Variants in MAP4K3 observed in about 807,000 individuals in gnomAD.
The protein encoded by MAP4K3 is MAPK/ERK kinase kinase kinase 3.
In MAP4K3, 94 loss-of-function variants were observed where a neutral mutation model predicts 143.5. The ratio of observed to expected loss-of-function variants is 0.65; its 90% confidence interval spans 0.55 to 0.78. The LOEUF is 0.78. Among genes scored for constraint, MAP4K3 ranks in the 30% least tolerant of loss-of-function variants. MAP4K3 has a pLI of 0.00. For missense variants in MAP4K3, 1,077 were observed against 1,068.1 expected (o/e 1.01, Z -0.12); for synonymous variants, 416 against 347.2 (o/e 1.20, Z -2.20).
intron 1 of MAP4K3, among the ~76,000 whole-genome samples, chr2:39,394,326 A>T (rs1666747395): frequency 6.6e-6 from 1 of 152,218 alleles, no homozygotes; most frequent in South Asian, 2.1e-4. Context: ...ACTTCTAAGG[A>T]CACGTTGCAC....
chr2:39,432,017 T>C (rs144842773), intron 1 of MAP4K3, among the ~76,000 whole-genome samples: 257 of 152,322 alleles, frequency 1.7e-3, no homozygotes, highest in Non-Finnish European at 3.0e-3. Flanking sequence ...ATGATATAAA[T>C]GAGGAAACCA....
At chr2:39,254,057 T>G (rs1471209274) in intron 32 of MAP4K3, among the ~76,000 whole-genome samples, 1 of 152,206 alleles carries the variant, frequency 6.6e-6, no homozygotes, top group Non-Finnish European at 1.5e-5. Flanking sequence ...TCTTTACTTA[T>G]AGTCTGCGCT....
intron 27 of MAP4K3, among the ~76,000 whole-genome samples, 177 bp downstream of exon 27, chr2:39,267,012 T>C (rs1405143587): frequency 6.6e-6 from 1 of 152,212 alleles, no homozygotes; most frequent in Non-Finnish European, 1.5e-5. Context: ...AATAAATTAT[T>C]TGCAAGGTAC....
At position 39,367,501 on chromosome 2, in the gene MAP4K3, C is replaced by A. The variant is rs149287577; in HGVS notation, c.154+10565G>T. ...GCTGCAGTGAGCTGTCACTGTGCCA[C>A]TGCACTCCAGCCTGGGTGACAGTAT... is the stretch of plus-strand genomic sequence containing the variant. On this transcript the variant is annotated intron_variant, in intron 2 of 33. Coordinates refer to ENST00000263881, the MANE Select transcript of MAP4K3 (RefSeq NM_003618.4). Among the ~76,000 whole-genome samples the A allele has an allele frequency of 1.7e-3, 261 of 152,002 alleles. 1 individual carries two copies. Among genetic ancestry groups the A allele is most frequent in the African/African-American group, 5.1e-3 (212 of 41,428 alleles).
chr2:39,341,995 C>A (rs1203096644), intron 4 of MAP4K3, among the ~76,000 whole-genome samples: 1 of 151,904 alleles, frequency 6.6e-6, no homozygotes, highest in Non-Finnish European at 1.5e-5. Context: ...GTCTTCAAGG[C>A]TCTCCCTATT....
Position 39,277,599 on chromosome 2 carries a change from T to C in MAP4K3, c.1794+808A>G, listed in dbSNP as rs139410903. Reference sequence around the variant, plus strand: ...TTTTTTTTGAGGTGGAGTTTCACTTTTGTTGCCCAGGCTGGAGTGCAATGG... The same window carrying C: ...TTTTTTTTGAGGTGGAGTTTCACTTCTGTTGCCCAGGCTGGAGTGCAATGG... On this transcript the variant is annotated intron_variant, in intron 24 of 33. Transcript: ENST00000263881. Among the ~76,000 whole-genome samples, 266 of 152,124 alleles carry C rather than the reference T, an allele frequency of 1.7e-3. 6 individuals carry two copies. In the East Asian group the frequency reaches 0.025, roughly 14 times the overall value.
At chr2:39,378,182 A>C (rs1271468726) in intron 1 of MAP4K3, 59 bp from the exon 2 acceptor site, 2 of 914,422 alleles carry the variant, frequency 2.2e-6, no homozygotes, top group African/African-American at 3.5e-5. Context: ...AAGTGTATAA[A>C]ATTTCACTTT....
intron 1 of MAP4K3, 76 bp downstream of exon 1, chr2:39,436,816 G>A (rs1665500784): frequency 3.8e-6 from 5 of 1,304,652 alleles, no homozygotes; most frequent in Admixed American, 1.9e-5. Flanking sequence ...AGGACAGGCG[G>A]CAAGGGCTCG....
chr2:39,339,961 G>C (rs1665093229), intron 4 of MAP4K3, among the ~76,000 whole-genome samples: 1 of 152,002 alleles, frequency 6.6e-6, no homozygotes, highest in African/African-American at 2.4e-5. Flanking sequence ...AGATATAACG[G>C]GTTGTGGAAA....
intron 12 of MAP4K3, 51 bp downstream of exon 12, chr2:39,325,467 T>C (rs775264028): frequency 2.3e-6 from 3 of 1,281,258 alleles, no homozygotes; most frequent in South Asian, 1.2e-5. Context: ...CACACATATA[T>C]ACATACACAT....
chr2:39,402,412 A>G (rs1666975262), intron 1 of MAP4K3, among the ~76,000 whole-genome samples: 1 of 152,212 alleles, frequency 6.6e-6, no homozygotes, highest in South Asian at 2.1e-4. Context: ...ATGAACTCCC[A>G]GCAAGAGAAA....
At chr2:39,372,596 G>C (rs1301900679) in intron 2 of MAP4K3, among the ~76,000 whole-genome samples, 2 of 151,440 alleles carry the variant, frequency 1.3e-5, no homozygotes, top group Non-Finnish European at 2.9e-5. Flanking sequence ...CAGATACATA[G>C]ATCAGTGAAC....
intron 23 of MAP4K3, 87 bp downstream of exon 23, chr2:39,280,185 C>A: frequency 2.7e-6 from 2 of 749,046 alleles, no homozygotes; most frequent in Non-Finnish European, 4.2e-6. Context: ...CAGAAAGATA[C>A]TCAGAAAATA....
intron 1 of MAP4K3, among the ~76,000 whole-genome samples, chr2:39,405,713 CA>C (rs1190987694): frequency 1.3e-5 from 2 of 151,994 alleles, no homozygotes; most frequent in Admixed American, 6.6e-5. Flanking sequence ...ACAAAAAATA[CA>C]AACATTAGCC....
Position 39,331,676 on chromosome 2 carries a change from T to C in MAP4K3, c.530+241A>G, listed in dbSNP as rs554048150. Among the ~76,000 whole-genome samples, 6 of 152,156 alleles carry C rather than the reference T, an allele frequency of 3.9e-5. No individual in the cohort carries two copies. In the South Asian group the frequency reaches 1.2e-3, roughly 32 times the overall value. ...GATTTTCCAGCAAGGCTAGAACAAATATTAAGGTTTCTGAAAGCCATATCA... is the reference window on the plus strand; with the variant it reads ...GATTTTCCAGCAAGGCTAGAACAAACATTAAGGTTTCTGAAAGCCATATCA... On this transcript the variant is annotated intron_variant, in intron 8 of 33. Transcript: ENST00000263881.
intron 24 of MAP4K3, among the ~76,000 whole-genome samples, chr2:39,276,824 A>G (rs1477893042): frequency 6.6e-6 from 1 of 152,214 alleles, no homozygotes; most frequent in Non-Finnish European, 1.5e-5. Flanking sequence ...ACACTCAAAA[A>G]CATCCCCATA....
intron 1 of MAP4K3, among the ~76,000 whole-genome samples, 186 bp from the exon 2 acceptor site, chr2:39,378,309 A>T (rs955666534): frequency 6.6e-6 from 1 of 152,212 alleles, no homozygotes; most frequent in Non-Finnish European, 1.5e-5. Flanking sequence ...TATAAATTTA[A>T]TATTGGCAAA....
rs375140446 is a variant in MAP4K3, at chr2:39,325,822, T to C, written c.726-11A>G. 1.3e-6 allele frequency: 2 copies of C among 1,589,116 alleles called. No homozygotes were observed. Among genetic ancestry groups the C allele is most frequent in the Non-Finnish European group, 1.7e-6 (2 of 1,167,080 alleles). ...TGAAAACTATTTGACCTAAGAAATT[T>C]AGAAAATTAGACTTTTACATTCCAA... On this transcript the variant is annotated splice_polypyrimidine_tract_variant and intron_variant, in intron 10 of 33. Transcript: ENST00000263881.
chr2:39,257,155 C>T (rs113012884), intron 31 of MAP4K3, among the ~76,000 whole-genome samples: 163 of 152,280 alleles, frequency 1.1e-3, no homozygotes, highest in Non-Finnish European at 2.0e-3. Flanking sequence ...TACACATACA[C>T]GCAAATATCT....
Sources: allele counts gnomAD v4.1 joint callset (sites outside exome capture counted in the v4.1 genomes callset), GRCh38; gene constraint gnomAD v4.1.1; transcripts MANE v1.5; gene names NCBI Gene and HGNC (gene_info 2026-07-23, HGNC 2026-07-21).